Variants in CADPS2 observed in about 807,000 individuals in gnomAD.
CADPS2 encodes the protein calcium dependent secretion activator 2.
Under a neutral mutation model 172.5 loss-of-function variants are expected in CADPS2, and 93 were observed. The ratio of observed to expected loss-of-function variants is 0.54; its 90% CI spans 0.46 to 0.64. The LOEUF is 0.64. Among genes scored for constraint, CADPS2 ranks in the 30% least tolerant of loss-of-function variants. The pLI is 0.00. For synonymous variants in CADPS2, 546 were observed against 555.2 expected (o/e 0.98, Z 0.23); for missense variants, 1,420 against 1,565.9 (o/e 0.91, Z 1.57).
intron 2 of CADPS2, among the ~76,000 whole-genome samples, chr7:122,721,286 C>T (rs373664903): frequency 5.9e-5 from 9 of 152,006 alleles, no homozygotes; most frequent in African/African-American, 2.2e-4. Context: ...AATTGATAGA[C>T]TGCTAGCAAG....
intron 1 of CADPS2, among the ~76,000 whole-genome samples, chr7:122,790,028 G>GTTT (rs747647291): frequency 5.1e-4 from 64 of 126,676 alleles, no homozygotes; most frequent in African/African-American, 1.7e-3. Context: ...AATATTAAGT[G>GTTT]TTTTTTTTTT....
chr7:122,675,954 G>A (rs1280803244), intron 2 of CADPS2, among the ~76,000 whole-genome samples: 3 of 151,924 alleles, frequency 2.0e-5, no homozygotes, highest in Admixed American at 6.6e-5. Context: ...AAACCTGCAC[G>A]TTCTGTACAT....
chr7:122,404,940 C>T (rs1157142945), intron 20 of CADPS2, among the ~76,000 whole-genome samples: 2 of 151,808 alleles, frequency 1.3e-5, no homozygotes, highest in Non-Finnish European at 2.9e-5. Context: ...CCCTGGCTAG[C>T]ACGGTGAAAC....
At chr7:122,379,323 C>T (rs781637115) in intron 25 of CADPS2, 45 bp downstream of exon 25, 53 of 1,243,858 alleles carry the variant, frequency 4.3e-5, no homozygotes, top group Non-Finnish European at 5.9e-5. Context: ...TCTCCATTGA[C>T]AATTTTTCAC....
intron 2 of CADPS2, among the ~76,000 whole-genome samples, chr7:122,707,944 C>CTA (rs1182837077): frequency 8.6e-5 from 13 of 151,352 alleles, no homozygotes; most frequent in Non-Finnish European, 1.8e-4. Flanking sequence ...ATTCTTATTT[C>CTA]TATATATATA....
intron 11 of CADPS2, among the ~76,000 whole-genome samples, chr7:122,489,416 G>A (rs1179019608): frequency 2.0e-5 from 3 of 152,126 alleles, no homozygotes; most frequent in African/African-American, 7.2e-5. Flanking sequence ...GATAAGCTTT[G>A]TAAAGGAGTA....
intron 8 of CADPS2, among the ~76,000 whole-genome samples, chr7:122,552,594 A>G (rs573855813): frequency 2.0e-4 from 31 of 152,136 alleles, no homozygotes; most frequent in African/African-American, 7.0e-4. Context: ...GAGTATGCTA[A>G]ACCAAGGAAC....
intron 1 of CADPS2, among the ~76,000 whole-genome samples, chr7:122,862,576 T>C (rs1817225720): frequency 6.6e-6 from 1 of 151,964 alleles, no homozygotes; most frequent in African/African-American, 2.4e-5. Context: ...TTAAGAGGAG[T>C]AAGGGCTTCC....
intron 28 of CADPS2, among the ~76,000 whole-genome samples, chr7:122,327,027 C>T (rs2034005317): frequency 6.6e-6 from 1 of 151,824 alleles, no homozygotes; most frequent in African/African-American, 2.4e-5. Flanking sequence ...ATATGTTATT[C>T]CTGTATCTAA....
Position 122,416,097 on chromosome 7 carries a change from T to C in CADPS2, c.2544A>G (p.Ile848Met), listed in dbSNP as rs1039156988. Reference protein sequence around the residue: ...EEILHLAELCIEVLQQNEEHH... With the variant: ...EEILHLAELCMEVLQQNEEHH... ...GCTCTTCATTCTGCTGTAAGACTTC[T>C]ATGCAGAGCTCTGCCAGATGAAGAA... The change falls in exon 18 of 30, where the codon ATA (isoleucine) becomes ATG (methionine). Residue 848 changes from isoleucine (I) to methionine (M), a missense_variant. Coordinates refer to ENST00000449022, the MANE Select transcript of CADPS2 (RefSeq NM_017954.11). The C allele has an allele frequency of 1.9e-6, 3 of 1,551,792 alleles. No individual in the cohort carries two copies. The highest frequency in any genetic ancestry group is 1.9e-5 in the Admixed American group (1 of 52,746).
intron 7 of CADPS2, among the ~76,000 whole-genome samples, chr7:122,576,911 C>G (rs985780327): frequency 9.9e-5 from 15 of 151,948 alleles, no homozygotes; most frequent in Admixed American, 6.6e-5. Context: ...AGGTGCCCAC[C>G]ACCACGCCTG....
intron 28 of CADPS2, among the ~76,000 whole-genome samples, chr7:122,340,086 A>G (rs773770430): frequency 4.6e-5 from 7 of 152,178 alleles, no homozygotes; most frequent in Non-Finnish European, 7.4e-5. Flanking sequence ...AAAATGTTTA[A>G]TTTAGAGTTT....
At position 122,621,758 on chromosome 7, in the gene CADPS2, T is replaced by C. The variant is rs1177391828; in HGVS notation, c.868-41A>G. 4 of 1,132,260 alleles carry C rather than the reference T, an allele frequency of 3.5e-6. No individual in the cohort carries two copies. In the East Asian group the frequency reaches 7.6e-5, roughly 21 times the overall value. The allele number at this position is 1,132,260 out of a possible 1,614,324, so 70.1% of individuals were successfully genotyped here. A position where few individuals can be genotyped will look rare whatever the true frequency, so the allele number is the denominator to read the frequency against. On this transcript the variant is annotated intron_variant, in intron 4 of 29. Transcript: ENST00000449022. ...TAAAATAATAGTGTTACATAAGTCA[T>C]ATTTCAATTTTATCATACAAAATTG... is the stretch of plus-strand genomic sequence containing the variant.
intron 2 of CADPS2, among the ~76,000 whole-genome samples, chr7:122,681,844 A>G (rs559257187): frequency 6.6e-6 from 1 of 152,176 alleles, no homozygotes; most frequent in African/African-American, 2.4e-5. Flanking sequence ...ATGCCTTCTT[A>G]CATCCTGTTT....
In CADPS2 at chr7:122,451,434, C is replaced by T. The variant is rs758689117; in HGVS notation, c.2228G>A (p.Arg743Lys). ...GAGTCTCTCTTTTATCTCCTCAAAT[C>T]TTTCTTTTTCTTCCACTGAAACAGT... ...IGTVSVEEKERFEEIKERLSS... is the reference protein window; with the variant it reads ...IGTVSVEEKEKFEEIKERLSS... Residue 743 changes from arginine (R) to lysine (K), a missense_variant, in exon 15 of 30, where the codon AGA becomes AAA. Transcript: ENST00000449022. 1.6e-5 allele frequency: 25 copies of T among 1,586,190 alleles called. No individual in the cohort carries two copies. The South Asian group carries it at 2.9e-4, about 19-fold the overall frequency.
chr7:122,615,416 T>C (rs2074792800), intron 5 of CADPS2, 117 bp from the exon 6 acceptor site: 4 of 515,750 alleles, frequency 7.8e-6, no homozygotes, highest in Admixed American at 3.6e-5. Flanking sequence ...AAATTTGTTT[T>C]TTGTTAACAT....
At chr7:122,366,592 A>G (rs2040883187) in intron 25 of CADPS2, among the ~76,000 whole-genome samples, 1 of 146,788 alleles carries the variant, frequency 6.8e-6, no homozygotes, top group Non-Finnish European at 1.5e-5. Flanking sequence ...GCAACAGTGC[A>G]AGACTCCATC....
rs772328045 is a variant in CADPS2, at chr7:122,325,495, C to A, written c.3699G>T (p.Thr1233=). 1 of 1,608,030 alleles carries A rather than the reference C, an allele frequency of 6.2e-7. No individual in the cohort carries two copies. Among genetic ancestry groups the A allele is most frequent in the South Asian group, 1.1e-5 (1 of 90,000 alleles). Residue 1233 remains threonine, a synonymous_variant, in exon 29 of 30, where the codon ACG becomes ACT. Transcript: ENST00000449022. ...DLQLHIYQLK[T]LIKIVKKTYR... is the part of the protein sequence containing the mutation. ...TGTTTACCTTCACAATCTTGATGAG[C>A]GTCTTCAGCTGGTAAATATGGAGTT...
intron 17 of CADPS2, among the ~76,000 whole-genome samples, chr7:122,435,686 T>A (rs569933744): frequency 6.6e-6 from 1 of 152,170 alleles, no homozygotes; most frequent in Non-Finnish European, 1.5e-5. Context: ...ACCAAAAAAA[T>A]TGAAATCAGG....
Sources: allele counts gnomAD v4.1 joint callset (sites outside exome capture counted in the v4.1 genomes callset), GRCh38; gene constraint gnomAD v4.1.1; transcripts MANE v1.5; gene names NCBI Gene and HGNC (gene_info 2026-07-23, HGNC 2026-07-21).